Variants in ANK3 observed in about 807,000 individuals in gnomAD.
ANK3 encodes the protein ankyrin-3.
Under a neutral mutation model 370.9 loss-of-function variants are expected in ANK3, and 57 were observed. The ratio of observed to expected loss-of-function variants is 0.15; its 90% CI spans 0.12 to 0.19. The LOEUF (loss-of-function observed/expected upper bound fraction) is 0.19. Among genes scored for constraint, ANK3 ranks in the 10% least tolerant of loss-of-function variants. The probability of loss-of-function intolerance (pLI) is 1.00; values close to 1 mark genes in which losing one functional copy is unlikely to be tolerated. For synonymous variants in ANK3, 1,929 were observed against 1,946.3 expected (o/e 0.99, Z 0.23); for missense variants, 4,439 against 5,302.1 (o/e 0.84, Z 5.06).
upstream of ANK3, among the ~76,000 whole-genome samples, chr10:60,390,566 G>T (rs1056718958): frequency 6.6e-6 from 1 of 152,038 alleles, no homozygotes; most frequent in Non-Finnish European, 1.5e-5. Flanking sequence ...AGTGCTCAAG[G>T]CCTGCTGGGG....
intron 2 of ANK3, among the ~76,000 whole-genome samples, chr10:60,419,059 T>C (rs1594990497): frequency 6.6e-6 from 1 of 152,210 alleles, no homozygotes; most frequent in East Asian, 1.9e-4. Context: ...AATTTGATTG[T>C]CTTAAATGGC....
chr10:60,336,092 G>GGC (rs2052774159), intron 1 of ANK3, among the ~76,000 whole-genome samples: 1 of 148,080 alleles, frequency 6.8e-6, no homozygotes, highest in African/African-American at 2.7e-5. Flanking sequence ...TAGTTTGGCG[G>GGC]GGGGGGGAAG....
At chr10:60,589,630 G>T (rs1411552333) in intron 2 of ANK3, among the ~76,000 whole-genome samples, 1 of 152,084 alleles carries the variant, frequency 6.6e-6, no homozygotes, top group Non-Finnish European at 1.5e-5. Context: ...AATCTCCATG[G>T]CAATGCCTTC....
Position 60,235,559 on chromosome 10 carries a change from T to G in ANK3, c.799-773A>C, listed in dbSNP as rs981415104. 1.4e-4 allele frequency among the ~76,000 whole-genome samples: 19 copies of G among 139,390 alleles called. 1 individual carries two copies. The highest frequency in any genetic ancestry group is 4.3e-4 in the East Asian group (2 of 4,700). The allele number at this position is 139,390 out of a possible 152,430, so 91.4% of individuals were successfully genotyped here. A position where few individuals can be genotyped will look rare whatever the true frequency, so the allele number is the denominator to read the frequency against. On this transcript the variant is annotated intron_variant, in intron 7 of 43. Transcript: ENST00000280772. The stretch of plus-strand genomic sequence containing the variant: ...AATTCCCTGATTTCTTGTTTTTTTT[T>G]TTTTTTTTTTTTTTTTTCTTTTTAA...
In ANK3 at chr10:60,200,231, G is replaced by C; in HGVS notation, c.1393-4C>G. 6.8e-6 allele frequency: 11 copies of C among 1,612,712 alleles called. No individual in the cohort carries two copies. Among genetic ancestry groups the C allele is most frequent in the Non-Finnish European group, 9.3e-6 (11 of 1,178,802 alleles). On this transcript the variant is annotated splice_region_variant and splice_polypyrimidine_tract_variant and intron_variant, in intron 12 of 43. Coordinates refer to ENST00000280772, the MANE Select transcript of ANK3 (RefSeq NM_020987.5). ...TGTGCAGTGCTGTTTCTCCTCTCTG[G>C]GGAACATGAGCCAAAGTAAATTAGC...
intron 2 of ANK3, among the ~76,000 whole-genome samples, chr10:60,430,116 C>T (rs956139996): frequency 6.6e-6 from 1 of 152,202 alleles, no homozygotes; most frequent in African/African-American, 2.4e-5. Context: ...ATGATCATTT[C>T]AGAGTCCATT....
At chr10:60,127,889 G>T (rs2093850513) in intron 25 of ANK3, among the ~76,000 whole-genome samples, 1 of 151,886 alleles carries the variant, frequency 6.6e-6, no homozygotes. Context: ...AGTACAGACG[G>T]GGTTTCACCG....
chr10:60,597,330 G>A (rs1351913690), intron 2 of ANK3, among the ~76,000 whole-genome samples: 1 of 152,182 alleles, frequency 6.6e-6, no homozygotes, highest in Non-Finnish European at 1.5e-5. Flanking sequence ...AGACTGCCGA[G>A]ATATCATAAC....
At chr10:60,472,863 G>A (rs2065251832) in intron 2 of ANK3, among the ~76,000 whole-genome samples, 1 of 152,090 alleles carries the variant, frequency 6.6e-6, no homozygotes, top group Non-Finnish European at 1.5e-5. Context: ...TACAACATTT[G>A]TAAAATCATA....
intron 2 of ANK3, among the ~76,000 whole-genome samples, chr10:60,525,775 C>T (rs999746864): frequency 2.0e-5 from 3 of 152,062 alleles, no homozygotes; most frequent in East Asian, 3.9e-4. Context: ...CCACATTATT[C>T]GTGTTATTGT....
rs1030565859 is a variant in ANK3, at chr10:60,246,278, A to G, written c.799-11492T>C. Reference sequence around the variant, plus strand: ...ATCAAAAAAAAAAAAAAAAAAAAAAAAAAGAAAAAAGAAAAAAAGATGATC... The same window carrying G: ...ATCAAAAAAAAAAAAAAAAAAAAAAGAAAGAAAAAAGAAAAAAAGATGATC... On this transcript the variant is annotated intron_variant, in intron 7 of 43. Coordinates refer to ENST00000280772, the MANE Select transcript of ANK3 (RefSeq NM_020987.5). Among the ~76,000 whole-genome samples, 44 of 135,322 alleles carry G rather than the reference A, an allele frequency of 3.3e-4. 1 individual carries two copies. Among genetic ancestry groups the G allele is most frequent in the South Asian group, 2.2e-3 (8 of 3,584 alleles). The allele number at this position is 135,322 out of a possible 152,430, so 88.8% of individuals were successfully genotyped here. A position where few individuals can be genotyped will look rare whatever the true frequency, so the allele number is the denominator to read the frequency against.
rs936496920 is a variant in ANK3 at position 60,349,918 on chromosome 10, G to A, written c.114+39507C>T. The stretch of plus-strand genomic sequence containing the variant: ...TAGCAGGGAAAGACCATAAAGTAAC[G>A]GACTTGTCTAGTTAATAAGCATTTT... On this transcript the variant is annotated intron_variant, in intron 1 of 43. Coordinates refer to ENST00000280772, the MANE Select transcript of ANK3 (RefSeq NM_020987.5). Among the ~76,000 whole-genome samples, 3 of 152,076 alleles carry A rather than the reference G, an allele frequency of 2.0e-5. No individual in the cohort carries two copies. In the South Asian group the frequency reaches 6.2e-4, roughly 32 times the overall value.
chr10:60,676,084 C>T (rs2079121496), intron 1 of ANK3, among the ~76,000 whole-genome samples: 1 of 152,100 alleles, frequency 6.6e-6, no homozygotes, highest in South Asian at 2.1e-4. Context: ...CAAATTATGA[C>T]TACCTCAAAA....
rs1220258423 is a variant in ANK3, at chr10:60,279,211, C to T, written c.217-63G>A. The stretch of plus-strand genomic sequence containing the variant: ...TGAAAATAGAGCAGTAAACAACCGA[C>T]CAAGAACTCCTGAGATATTATAAAG... On this transcript the variant is annotated intron_variant, in intron 2 of 43. Coordinates refer to ENST00000280772, the MANE Select transcript of ANK3 (RefSeq NM_020987.5). 2.9e-6 allele frequency: 4 copies of T among 1,372,118 alleles called. 1 individual carries two copies. The African/African-American group carries it at 5.7e-5, about 20-fold the overall frequency. The allele number at this position is 1,372,118 out of a possible 1,614,324, so 85.0% of individuals were successfully genotyped here. A position where few individuals can be genotyped will look rare whatever the true frequency, so the allele number is the denominator to read the frequency against.
intron 1 of ANK3, among the ~76,000 whole-genome samples, chr10:60,722,780 TTTAAAAGA>T (rs2079882570): frequency 6.6e-6 from 1 of 152,158 alleles, no homozygotes; most frequent in Admixed American, 6.5e-5. Flanking sequence ...GATCTGGTTG[TTTAAAAGA>T]GTTTGGGACT....
intron 25 of ANK3, among the ~76,000 whole-genome samples, chr10:60,125,258 G>A (rs949833577): frequency 3.9e-4 from 59 of 152,078 alleles, no homozygotes; most frequent in African/African-American, 1.2e-3. Flanking sequence ...TTAAATTTCC[G>A]AATTGGATTG....
chr10:60,086,896 G>A lies in ANK3; in HGVS notation c.3541-12C>T. 1 of 1,442,566 alleles carries A rather than the reference G, an allele frequency of 6.9e-7. No individual in the cohort carries two copies. Among genetic ancestry groups the A allele is most frequent in the Non-Finnish European group, 9.2e-7 (1 of 1,081,156 alleles). 89.4% of individuals were successfully genotyped at this position (1,442,566 alleles called of 1,614,324 possible). ...GGAACAGGCTGGGCCTAGAGACAGA[G>A]AAAGGACTTTAAATGAAAGTGACTT... On this transcript the variant is annotated splice_polypyrimidine_tract_variant and intron_variant, in intron 29 of 43. Transcript: ENST00000280772.
chr10:60,715,887 A>G (rs1390754739), intron 1 of ANK3, among the ~76,000 whole-genome samples: 1 of 36,746 alleles, frequency 2.7e-5, no homozygotes, highest in Non-Finnish European at 5.0e-5. Context: ...GCTTGACTGT[A>G]CTCCTTAACA....
chr10:60,665,299 C>T (rs2078982574), intron 1 of ANK3, among the ~76,000 whole-genome samples: 1 of 152,156 alleles, frequency 6.6e-6, no homozygotes, highest in African/African-American at 2.4e-5. Context: ...GAGAATAGAA[C>T]AAGAGACCAA....
Sources: allele counts gnomAD v4.1 joint callset (sites outside exome capture counted in the v4.1 genomes callset), GRCh38; gene constraint gnomAD v4.1.1; transcripts MANE v1.5; gene names NCBI Gene and HGNC (gene_info 2026-07-23, HGNC 2026-07-21).